The following TTC29 variants were observed in gnomAD, a reference collection of about 807,000 sequenced individuals.
TTC29 encodes the protein tetratricopeptide repeat protein 29.
Under a neutral mutation model 58.1 loss-of-function variants are expected in TTC29, and 49 were observed. The observed-to-expected ratio is 0.84, with a 90% CI of 0.67 to 1.07. TTC29 has a LOEUF of 1.07. Ranked by LOEUF, TTC29 falls within the 50% of genes least tolerant of loss-of-function variation. TTC29 has a pLI of 0.00. For synonymous variants in TTC29, 209 were observed against 196.8 expected, an observed-to-expected ratio of 1.06 and a Z score of -0.52; for missense variants, 582 against 555.6, an observed-to-expected ratio of 1.05 and a Z score of -0.48.
rs367847630 is a variant in TTC29 at position 146,707,210 on chromosome 4, A to G, written c.1398-22T>C. On this transcript the variant is annotated intron_variant, in intron 12 of 12. Transcript: ENST00000325106. ...AAACCTGAAATAAAATAAATTATAA[A>G]TTTAACTTTTATACTGGGCTAGAAA... 32 of 1,450,948 alleles carry G rather than the reference A, an allele frequency of 2.2e-5. No homozygotes were observed. The African/African-American group carries it at 3.7e-4, about 17-fold the overall frequency. 89.9% of individuals were successfully genotyped at this position (1,450,948 alleles called of 1,614,324 possible). A position where few individuals can be genotyped will look rare whatever the true frequency, so the allele number is the denominator to read the frequency against.
chr4:146,909,047 C>A lies in TTC29; in HGVS notation c.379G>T (p.Ala127Ser), dbSNP rs765072997. The change falls in exon 5 of 13, where the codon GCT becomes TCT. Residue 127 changes from alanine to serine, a missense_variant. Physicochemically the swap from Ala to Ser is moderately conservative, Grantham distance 99. Coordinates refer to ENST00000325106, the MANE Select transcript of TTC29 (RefSeq NM_031956.4). The part of the protein sequence containing the change: ...LDYLYHYLTR[A>S]EDAERKESFE... Reference sequence around the variant, plus strand: ...TTACCTTTCCTCTCAGCGTCCTCAGCCCTGGTCAGGTAATGGTACAGGTAA... The same window carrying A: ...TTACCTTTCCTCTCAGCGTCCTCAGACCTGGTCAGGTAATGGTACAGGTAA... 5 of 1,613,768 alleles carry A rather than the reference C, an allele frequency of 3.1e-6. No individual in the cohort carries two copies. In the African/African-American group the frequency reaches 5.3e-5, roughly 17 times the overall value.
intron 11 of TTC29, among the ~76,000 whole-genome samples, chr4:146,786,729 A>C (rs1374943264): frequency 6.6e-6 from 1 of 152,244 alleles, no homozygotes; most frequent in African/African-American, 2.4e-5. Flanking sequence ...CTAAGAATGC[A>C]AAGAAGTGAC....
At chr4:146,925,688 CTA>C (rs1337869101) in intron 4 of TTC29, among the ~76,000 whole-genome samples, 1 of 152,094 alleles carries the variant, frequency 6.6e-6, no homozygotes, top group East Asian at 1.9e-4. Flanking sequence ...ATTTCTTTGG[CTA>C]CTTTGATTAT....
In TTC29 at chr4:146,909,122, A is replaced by T. The variant is rs779229252; in HGVS notation, c.304T>A (p.Ser102Thr). Residue 102 changes from serine to threonine, a missense_variant, in exon 5 of 13, where the codon TCC (serine) becomes ACC (threonine). Coordinates refer to ENST00000325106, the MANE Select transcript of TTC29 (RefSeq NM_031956.4). ...AGGGGCTTCTGCAGCCAGAAGAGGG[A>T]CCTGACTCTCGCAGCCTCCCTCAGG... ...DALREAARVR[S>T]LFWLQKPLEE... 2 of 1,613,688 alleles carry T rather than the reference A, an allele frequency of 1.2e-6. No homozygotes were observed. The highest frequency in any genetic ancestry group is 4.5e-5 in the East Asian group (2 of 44,876).
intron 11 of TTC29, among the ~76,000 whole-genome samples, chr4:146,778,279 T>C (rs78095430): frequency 0.056 from 8,522 of 152,196 alleles, 823 homozygotes; most frequent in African/African-American, 0.19. Flanking sequence ...CCTTTAAGAG[T>C]TGCTTTAGCT....
intron 8 of TTC29, among the ~76,000 whole-genome samples, chr4:146,836,621 T>C (rs576424221): frequency 8.5e-4 from 129 of 152,236 alleles, no homozygotes; most frequent in Middle Eastern, 3.4e-3. Context: ...ATACTACAAA[T>C]TCTGTAGAAG....
intron 11 of TTC29, among the ~76,000 whole-genome samples, chr4:146,729,112 AT>A (rs1383715819): frequency 6.6e-6 from 1 of 151,914 alleles, no homozygotes. Flanking sequence ...TTCATTCTAC[AT>A]TTTGATATTG....
rs1388032183 is a variant in TTC29, at chr4:146,909,394, CT to C, written c.177-146del. 6 of 659,262 alleles carry C rather than the reference CT, an allele frequency of 9.1e-6. No homozygotes were observed. In the East Asian group the frequency reaches 1.6e-4, roughly 18 times the overall value. The allele number at this position is 659,262 out of a possible 1,614,324, so 40.8% of individuals were successfully genotyped here. A position where few individuals can be genotyped will look rare whatever the true frequency, so the allele number is the denominator to read the frequency against. On this transcript the variant is annotated intron_variant, in intron 4 of 12. Transcript: ENST00000325106. Reference sequence around the variant, plus strand: ...CTGAAAACTATCAAAAGATCTTTGCCTCAAACACTTATAATTGAACAACTTC... The same window carrying C: ...CTGAAAACTATCAAAAGATCTTTGCCCAAACACTTATAATTGAACAACTTC...
chr4:146,886,036 A>G (rs937609708), intron 6 of TTC29, among the ~76,000 whole-genome samples: 21 of 152,148 alleles, frequency 1.4e-4, no homozygotes, highest in Non-Finnish European at 2.8e-4. Flanking sequence ...ATTGATGGAT[A>G]CATTAAAAGT....
At chr4:146,785,038 AC>A (rs1160126824) in intron 11 of TTC29, among the ~76,000 whole-genome samples, 1 of 152,112 alleles carries the variant, frequency 6.6e-6, no homozygotes, top group African/African-American at 2.4e-5. Flanking sequence ...ACGCAAAATG[AC>A]CCCAGACTGC....
At chr4:146,930,811 T>G (rs1232919613) in intron 4 of TTC29, among the ~76,000 whole-genome samples, 2 of 152,220 alleles carry the variant, frequency 1.3e-5, no homozygotes, top group Non-Finnish European at 2.9e-5. Flanking sequence ...TCTGGCTGAT[T>G]CATCCTCTGT....
At chr4:146,898,346 T>C (rs1184321602) in intron 6 of TTC29, among the ~76,000 whole-genome samples, 1 of 152,222 alleles carries the variant, frequency 6.6e-6, no homozygotes, top group Non-Finnish European at 1.5e-5. Flanking sequence ...AATACTGTGC[T>C]GCTCCTGGTG....
chr4:146,841,937 GAACAA>G (rs1362239023), intron 8 of TTC29, among the ~76,000 whole-genome samples: 2 of 152,092 alleles, frequency 1.3e-5, no homozygotes, highest in Admixed American at 1.3e-4. Flanking sequence ...CTAAGGATTT[GAACAA>G]AACAACTGCT....
At chr4:146,872,880 CAT>C (rs1731025609) in intron 7 of TTC29, among the ~76,000 whole-genome samples, 1 of 152,024 alleles carries the variant, frequency 6.6e-6, no homozygotes, top group South Asian at 2.1e-4. Flanking sequence ...CACTCCTAAG[CAT>C]ATAATCAAGA....
At chr4:146,893,579 C>T (rs1242413272) in intron 6 of TTC29, among the ~76,000 whole-genome samples, 1 of 151,964 alleles carries the variant, frequency 6.6e-6, no homozygotes, top group Non-Finnish European at 1.5e-5. Flanking sequence ...CCATAAAAAC[C>T]CTGGAAGAAA....
At position 146,856,470 on chromosome 4, in the gene TTC29, A is replaced by G. The variant is rs1202352877; in HGVS notation, c.885+11028T>C. ...GGCCACAAACTTTCTTTCCTGACAT[A>G]AAACATTTCTTTATTTGTAGGAAAG... On this transcript the variant is annotated intron_variant, in intron 8 of 12. Transcript: ENST00000325106. Among the ~76,000 whole-genome samples, 23 of 152,132 alleles carry G rather than the reference A, an allele frequency of 1.5e-4. 1 individual carries two copies. The East Asian group carries it at 3.7e-3, about 24-fold the overall frequency.
At chr4:146,721,973 C>A (rs1743392831) in intron 11 of TTC29, among the ~76,000 whole-genome samples, 2 of 152,122 alleles carry the variant, frequency 1.3e-5, no homozygotes, top group East Asian at 3.9e-4. Context: ...TTTCAGGATA[C>A]AAAATCAATG....
intron 4 of TTC29, among the ~76,000 whole-genome samples, chr4:146,924,686 A>G (rs1047841779): frequency 6.9e-6 from 1 of 144,312 alleles, no homozygotes; most frequent in African/African-American, 2.8e-5. Flanking sequence ...AAGAACCAGC[A>G]TTAGTTTCAT....
intron 4 of TTC29, among the ~76,000 whole-genome samples, chr4:146,925,254 T>TC (rs1734849799): frequency 6.6e-6 from 1 of 152,196 alleles, no homozygotes; most frequent in East Asian, 1.9e-4. Context: ...GCTTCTATAT[T>TC]CCTACTGGTT....
Sources: allele counts gnomAD v4.1 joint callset (sites outside exome capture counted in the v4.1 genomes callset), GRCh38; gene constraint gnomAD v4.1.1; transcripts MANE v1.5; gene names NCBI Gene and HGNC (gene_info 2026-07-23, HGNC 2026-07-21).